Variants in SREK1IP1 observed in about 807,000 individuals in gnomAD.
SREK1IP1 encodes protein SREK1IP1.
Under a neutral mutation model 22.8 loss-of-function variants are expected in SREK1IP1, and 12 were observed. The ratio of observed to expected loss-of-function variants is 0.53; its 90% CI spans 0.34 to 0.85. The LOEUF (loss-of-function observed/expected upper bound fraction) is 0.85, where lower values mean the gene tolerates loss of function less well. Ranked by LOEUF, SREK1IP1 falls within the 40% of genes least tolerant of loss-of-function variation. The probability of loss-of-function intolerance (pLI) is 0.02; values close to 1 mark genes in which losing one functional copy is unlikely to be tolerated. For synonymous variants in SREK1IP1, 53 were observed against 52.7 expected, an observed-to-expected ratio of 1.01 and a Z score of -0.02; for missense variants, 147 against 171.8, an observed-to-expected ratio of 0.86 and a Z score of 0.81.
At chr5:64,764,871 G>C (rs527759687) in intron 1 of SREK1IP1, among the ~76,000 whole-genome samples, 3 of 152,258 alleles carry the variant, frequency 2.0e-5, no homozygotes, top group East Asian at 3.9e-4. Flanking sequence ...ATGTAATTGA[G>C]AATTCTTCTA....
At chr5:64,759,904 C>G (rs9291821) in intron 1 of SREK1IP1, among the ~76,000 whole-genome samples, 49,788 of 151,904 alleles carry the variant, frequency 0.33, 8,520 homozygotes, top group East Asian at 0.51. Flanking sequence ...AGTACTATCT[C>G]TTATGGAAAG....
intron 3 of SREK1IP1, among the ~76,000 whole-genome samples, chr5:64,737,613 A>G (rs1475886226): frequency 6.6e-6 from 1 of 151,486 alleles, no homozygotes; most frequent in Admixed American, 6.6e-5. Context: ...AGAGACTAGA[A>G]AAACAACAGA....
intron 3 of SREK1IP1, among the ~76,000 whole-genome samples, chr5:64,736,915 C>CTTTTTT (rs563372606): frequency 7.6e-6 from 1 of 131,308 alleles, no homozygotes. Flanking sequence ...TGTCTCTCTT[C>CTTTTTT]TTTTTTTTTT....
chr5:64,763,042 ACT>A (rs1742976785), intron 1 of SREK1IP1, among the ~76,000 whole-genome samples: 1 of 151,936 alleles, frequency 6.6e-6, no homozygotes, highest in Non-Finnish European at 1.5e-5. Flanking sequence ...ACAGAGCGAG[ACT>A]CTGTCTCCAA....
At chr5:64,759,621 G>A (rs1742910548) in intron 1 of SREK1IP1, among the ~76,000 whole-genome samples, 1 of 152,090 alleles carries the variant, frequency 6.6e-6, no homozygotes, top group South Asian at 2.1e-4. Flanking sequence ...GACCAAAAAA[G>A]AGCAATTATC....
At chr5:64,760,101 G>A (rs183872778) in intron 1 of SREK1IP1, among the ~76,000 whole-genome samples, 140 of 152,244 alleles carry the variant, frequency 9.2e-4, no homozygotes, top group African/African-American at 3.3e-3. Context: ...ATACGGAACT[G>A]GCTAAATCAA....
At chr5:64,767,606 T>C (rs1040274010) in intron 1 of SREK1IP1, among the ~76,000 whole-genome samples, 5 of 152,178 alleles carry the variant, frequency 3.3e-5, no homozygotes, top group African/African-American at 9.7e-5. Context: ...TACTGGGAAG[T>C]GCAGGTTTAA....
chr5:64,737,507 C>CAA (rs34983078), intron 3 of SREK1IP1, among the ~76,000 whole-genome samples: 1,024 of 94,984 alleles, frequency 0.011, 20 homozygotes, highest in African/African-American at 0.027. Flanking sequence ...TTCATACTGT[C>CAA]AAAAAAAAAA....
intron 2 of SREK1IP1, among the ~76,000 whole-genome samples, chr5:64,751,236 A>G (rs192126634): frequency 1.4e-4 from 22 of 152,320 alleles, no homozygotes; most frequent in African/African-American, 4.6e-4. Context: ...TTCTTCTGCC[A>G]TATTTTCCCG....
At chr5:64,726,865 A>G (rs1742276893) in intron 4 of SREK1IP1, among the ~76,000 whole-genome samples, 1 of 152,218 alleles carries the variant, frequency 6.6e-6, no homozygotes, top group African/African-American at 2.4e-5. Context: ...TACTTGAAGT[A>G]CATTTCTACT....
intron 3 of SREK1IP1, among the ~76,000 whole-genome samples, chr5:64,733,210 C>T (rs1401779393): frequency 6.6e-6 from 1 of 152,112 alleles, no homozygotes; most frequent in African/African-American, 2.4e-5. Flanking sequence ...TTAAAAACTA[C>T]TGCTTTGTGA....
chr5:64,736,912 CTTCTTT>C (rs1561385583), intron 3 of SREK1IP1, among the ~76,000 whole-genome samples: 1 of 142,456 alleles, frequency 7.0e-6, no homozygotes, highest in Admixed American at 7.9e-5. Flanking sequence ...AGTTGTCTCT[CTTCTTT>C]TTTTTTTTTT....
intron 3 of SREK1IP1, among the ~76,000 whole-genome samples, chr5:64,740,797 A>G (rs1480203321): frequency 1.3e-5 from 2 of 152,146 alleles, no homozygotes; most frequent in African/African-American, 4.8e-5. Context: ...CAGCCATTTG[A>G]CACATATCCT....
chr5:64,762,990 T>C (rs1313172479), intron 1 of SREK1IP1, among the ~76,000 whole-genome samples: 1 of 152,112 alleles, frequency 6.6e-6, no homozygotes, highest in Non-Finnish European at 1.5e-5. Flanking sequence ...AGGCGGAGGT[T>C]GCAGTGAGCT....
chr5:64,758,040 T>C (rs1742878140), intron 1 of SREK1IP1, among the ~76,000 whole-genome samples: 1 of 151,312 alleles, frequency 6.6e-6, no homozygotes, highest in Admixed American at 6.6e-5. Flanking sequence ...GCCAGGCTAA[T>C]TTTTTGTATT....
At chr5:64,747,402 G>C (rs1026219152) in intron 2 of SREK1IP1, among the ~76,000 whole-genome samples, 1 of 152,136 alleles carries the variant, frequency 6.6e-6, no homozygotes, top group African/African-American at 2.4e-5. Context: ...AAAGGGGCAT[G>C]CTATGAATAA....
At chr5:64,757,019 A>G (rs1410853780) in intron 1 of SREK1IP1, among the ~76,000 whole-genome samples, 1 of 152,230 alleles carries the variant, frequency 6.6e-6, no homozygotes, top group African/African-American at 2.4e-5. Context: ...AAACAGTGCT[A>G]ATTTAAAAAC....
chr5:64,726,245 T>C (rs896023000), intron 4 of SREK1IP1, among the ~76,000 whole-genome samples: 5 of 152,016 alleles, frequency 3.3e-5, no homozygotes, highest in African/African-American at 7.2e-5. Context: ...CTCTGCTAAG[T>C]GTGCACAGAA....
intron 1 of SREK1IP1, among the ~76,000 whole-genome samples, chr5:64,763,117 G>A (rs975476144): frequency 2.0e-5 from 3 of 151,994 alleles, no homozygotes; most frequent in Non-Finnish European, 2.9e-5. Flanking sequence ...GACTCCAAAA[G>A]GAGAACTAGC....
Sources: allele counts gnomAD v4.1 joint callset (sites outside exome capture counted in the v4.1 genomes callset), GRCh38; gene constraint gnomAD v4.1.1; transcripts MANE v1.5; gene names NCBI Gene and HGNC (gene_info 2026-07-23, HGNC 2026-07-21).